The following CEP89 variants were observed in gnomAD, a reference collection of about 807,000 sequenced individuals.
The protein encoded by CEP89 is centrosomal protein 89.
CEP89 carries 95 observed loss-of-function variants against 97.6 expected under a neutral mutation model. The observed-to-expected ratio is 0.97, with a 90% confidence interval of 0.82 to 1.15. The LOEUF is 1.15. Among genes scored for constraint, CEP89 ranks in the 50% most tolerant of loss-of-function variants. The pLI is 0.00. For missense variants in CEP89, 869 were observed against 947.7 expected (o/e 0.92, Z 1.09); for synonymous variants, 354 against 349.1 (o/e 1.01, Z -0.16).
In CEP89 at chr19:32,890,986, G is replaced by A. The variant is rs565737205; in HGVS notation, c.1876-3145C>T. ...CATGCACCCGGAAGGCTGCAGCGGC[G>A]AGGCACCAGGTGGACCCAGTGGAGC... On this transcript the variant is annotated intron_variant, in intron 16 of 18. Coordinates refer to ENST00000305768, the MANE Select transcript of CEP89 (RefSeq NM_032816.5). 1.1e-4 allele frequency among the ~76,000 whole-genome samples: 17 copies of A among 152,278 alleles called. No homozygotes were observed. The South Asian group carries it at 2.7e-3, about 24-fold the overall frequency.
At chr19:32,948,966 G>A (rs1367987244) in intron 4 of CEP89, among the ~76,000 whole-genome samples, 2 of 151,992 alleles carry the variant, frequency 1.3e-5, no homozygotes, top group East Asian at 1.9e-4. Flanking sequence ...GGGCCCATGC[G>A]ATCCTCCTGC....
chr19:32,919,718 G>A (rs1482726213), intron 12 of CEP89, among the ~76,000 whole-genome samples: 1 of 152,228 alleles, frequency 6.6e-6, no homozygotes, highest in Non-Finnish European at 1.5e-5. Flanking sequence ...AGGCTGGAGT[G>A]CAGTGGTGAA....
At chr19:32,925,570 C>T (rs767139503) in intron 11 of CEP89, among the ~76,000 whole-genome samples, 2 of 148,160 alleles carry the variant, frequency 1.3e-5, no homozygotes, top group Non-Finnish European at 3.0e-5. Flanking sequence ...CTCACTGCAA[C>T]GTCCAGCTCC....
At chr19:32,944,205 C>CA (rs1970746343) in intron 5 of CEP89, among the ~76,000 whole-genome samples, 1 of 91,608 alleles carries the variant, frequency 1.1e-5, no homozygotes, top group South Asian at 3.4e-4. Flanking sequence ...GCCTGGGCAA[C>CA]AGAGTGAGAC....
intron 17 of CEP89, among the ~76,000 whole-genome samples, chr19:32,887,029 C>CAA (rs35547876): frequency 0.1 from 13,116 of 130,808 alleles, 932 homozygotes; most frequent in African/African-American, 0.2. Flanking sequence ...AAAAAAAATA[C>CAA]AAAAAAAAAA....
intron 14 of CEP89, among the ~76,000 whole-genome samples, chr19:32,914,368 T>G (rs1442566451): frequency 6.6e-6 from 1 of 152,154 alleles, no homozygotes; most frequent in African/African-American, 2.4e-5. Flanking sequence ...CTCAGCTCAC[T>G]GCAGCCTCGA....
chr19:32,956,191 G>A (rs1009856128), intron 3 of CEP89, among the ~76,000 whole-genome samples: 1 of 151,328 alleles, frequency 6.6e-6, no homozygotes, highest in African/African-American at 2.4e-5. Flanking sequence ...GAGTAGCTGG[G>A]ACTACAGGCG....
intron 5 of CEP89, among the ~76,000 whole-genome samples, chr19:32,943,526 G>A (rs1269492590): frequency 2.0e-5 from 3 of 151,702 alleles, no homozygotes; most frequent in Admixed American, 6.6e-5. Flanking sequence ...GCGGGAAGCC[G>A]AGATGGGAGG....
rs1555791794 is a variant in CEP89 at position 32,925,506 on chromosome 19, T to TTC, written c.1164+683_1164+684insGA. 6.5e-4 allele frequency among the ~76,000 whole-genome samples: 84 copies of TTC among 128,620 alleles called. 5 individuals are homozygous for TTC. The highest frequency in any genetic ancestry group is 1.6e-3 in the African/African-American group (54 of 32,770). The allele number at this position is 128,620 out of a possible 152,430, so 84.4% of individuals were successfully genotyped here. Reference sequence around the variant, plus strand: ...AGCCCTTTTTTTTTTTTTTTTTTTTTCGAGACGGAGTCTGGCCCCATCGCC... The same window carrying TTC: ...AGCCCTTTTTTTTTTTTTTTTTTTTTTCCGAGACGGAGTCTGGCCCCATCGCC... On this transcript the variant is annotated intron_variant, in intron 11 of 18. Coordinates refer to ENST00000305768, the MANE Select transcript of CEP89 (RefSeq NM_032816.5).
chr19:32,965,052 T>C (rs1971252134), intron 2 of CEP89, among the ~76,000 whole-genome samples: 1 of 152,088 alleles, frequency 6.6e-6, no homozygotes, highest in East Asian at 1.9e-4. Flanking sequence ...ATTGCAGACA[T>C]GCACCATCAT....
At chr19:32,902,839 A>C (rs1182906587) in intron 14 of CEP89, among the ~76,000 whole-genome samples, 1 of 152,242 alleles carries the variant, frequency 6.6e-6, no homozygotes, top group Non-Finnish European at 1.5e-5. Flanking sequence ...CTAGGAAAGA[A>C]ACACTACAAA....
At chr19:32,944,220 T>TAGAAAAAAAAAAAA (rs1970747314) in intron 5 of CEP89, among the ~76,000 whole-genome samples, 1 of 62,420 alleles carries the variant, frequency 1.6e-5, no homozygotes, top group African/African-American at 6.7e-5. Flanking sequence ...TGAGACCCTG[T>TAGAAAAAAAAAAAA]AAAAAAAAAA....
At chr19:32,899,044 A>G (rs1258297695) in intron 16 of CEP89, among the ~76,000 whole-genome samples, 1 of 152,036 alleles carries the variant, frequency 6.6e-6, no homozygotes, top group South Asian at 2.1e-4. Flanking sequence ...AATATTATGC[A>G]TTAATAAAAA....
intron 5 of CEP89, among the ~76,000 whole-genome samples, chr19:32,945,392 C>A (rs1970776560): frequency 6.6e-6 from 1 of 152,070 alleles, no homozygotes; most frequent in African/African-American, 2.4e-5. Context: ...CTTTTAATGC[C>A]CACCACAAAC....
chr19:32,970,192 C>G (rs928846046), intron 1 of CEP89: 1 of 152,378 alleles, frequency 6.6e-6, no homozygotes, highest in Non-Finnish European at 1.5e-5. Flanking sequence ...CAGGCCAACT[C>G]TCCAGGCTGA....
rs538663749 is a variant in CEP89 at position 32,903,447 on chromosome 19, A to T, written c.1566-2035T>A. ...AGAGAGATGATGGCGTTGGCAAACAAAGGTTTTTAGAAAAACATGCTCCTA... is the reference window on the plus strand; with the variant it reads ...AGAGAGATGATGGCGTTGGCAAACATAGGTTTTTAGAAAAACATGCTCCTA... On this transcript the variant is annotated intron_variant, in intron 14 of 18. Coordinates refer to ENST00000305768, the MANE Select transcript of CEP89 (RefSeq NM_032816.5). 7.9e-5 allele frequency among the ~76,000 whole-genome samples: 12 copies of T among 152,302 alleles called. No individual in the cohort carries two copies. In the East Asian group the frequency reaches 2.3e-3, roughly 29 times the overall value.
At chr19:32,891,343 GCACACACACAAA>G (rs1555788234) in intron 16 of CEP89, among the ~76,000 whole-genome samples, 1 of 123,136 alleles carries the variant, frequency 8.1e-6, no homozygotes, top group Non-Finnish European at 2.0e-5. Flanking sequence ...GTTGCCCCAG[GCACACACACAAA>G]CACACACACA....
intron 14 of CEP89, among the ~76,000 whole-genome samples, chr19:32,909,955 C>G (rs745536219): frequency 4.6e-5 from 7 of 152,086 alleles, no homozygotes; most frequent in Non-Finnish European, 1.0e-4. Context: ...AATGAAATAC[C>G]AGTCAACCTA....
At chr19:32,902,310 C>T (rs1050198381) in intron 14 of CEP89, among the ~76,000 whole-genome samples, 2 of 152,050 alleles carry the variant, frequency 1.3e-5, no homozygotes, top group African/African-American at 2.4e-5. Context: ...CAGGAATACA[C>T]AACAATATAT....
Sources: allele counts gnomAD v4.1 joint callset (sites outside exome capture counted in the v4.1 genomes callset), GRCh38; gene constraint gnomAD v4.1.1; transcripts MANE v1.5; gene names NCBI Gene and HGNC (gene_info 2026-07-23, HGNC 2026-07-21).